The following NALCN variants were observed in gnomAD, a reference collection of about 807,000 sequenced individuals.
NALCN encodes the protein sodium leak channel NALCN.
Under a neutral mutation model 225.3 loss-of-function variants are expected in NALCN, and 111 were observed. The observed-to-expected ratio is 0.49, with a 90% CI of 0.42 to 0.58. The LOEUF is 0.58. Among genes scored for constraint, NALCN ranks in the 20% least tolerant of loss-of-function variants. The pLI is 0.00. For synonymous variants in NALCN, 764 were observed against 769.0 expected, an observed-to-expected ratio of 0.99 and a Z score of 0.11; for missense variants, 1,378 against 2,202.4, an observed-to-expected ratio of 0.63 and a Z score of 7.49.
At chr13:101,342,129 G>C (rs1169086132) in intron 7 of NALCN, among the ~76,000 whole-genome samples, 1 of 151,650 alleles carries the variant, frequency 6.6e-6, no homozygotes, top group Non-Finnish European at 1.5e-5. Flanking sequence ...GGAATTGAAG[G>C]TTTTTATAAT....
chr13:101,185,191 T>C (rs1471495062), intron 14 of NALCN, among the ~76,000 whole-genome samples: 1 of 152,210 alleles, frequency 6.6e-6, no homozygotes, highest in Non-Finnish European at 1.5e-5. Context: ...TAAAATGGGA[T>C]ACGTTCAACA....
intron 9 of NALCN, among the ~76,000 whole-genome samples, chr13:101,290,564 T>C (rs2043515545): frequency 6.6e-6 from 1 of 152,238 alleles, no homozygotes; most frequent in Admixed American, 6.5e-5. Flanking sequence ...AAACCTTTCA[T>C]GGAAGTTTGA....
chr13:101,352,436 A>T (rs1057093100), intron 6 of NALCN, among the ~76,000 whole-genome samples: 1 of 152,122 alleles, frequency 6.6e-6, no homozygotes, highest in African/African-American at 2.4e-5. Context: ...CAGAGCCTGC[A>T]TTTGCATATG....
chr13:101,416,432 T>A lies in NALCN; in HGVS notation c.-159A>T, dbSNP rs1566670676. ...CAGGGCGGGCGGGGACGCGGGCCCC[T>A]CACCTACGGCGGCTCAGCTCAGGCA... is the stretch of plus-strand genomic sequence containing the variant. On this transcript the variant is annotated 5_prime_UTR_variant, in exon 1 of 44. Transcript: ENST00000251127. The A allele has an allele frequency of 1.3e-5, 2 of 150,868 alleles. No individual in the cohort carries two copies. The highest frequency in any genetic ancestry group is 2.9e-5 in the Non-Finnish European group (2 of 67,800). 9.3% of individuals were successfully genotyped at this position (150,868 alleles called of 1,614,324 possible).
At chr13:101,092,763 T>C (rs1050143966) in intron 28 of NALCN, among the ~76,000 whole-genome samples, 2 of 152,098 alleles carry the variant, frequency 1.3e-5, no homozygotes, top group African/African-American at 2.4e-5. Context: ...GTACCCCAAA[T>C]TGTTTGGGCC....
chr13:101,211,110 C>T (rs1402713631), intron 13 of NALCN, among the ~76,000 whole-genome samples: 2 of 152,096 alleles, frequency 1.3e-5, no homozygotes, highest in Non-Finnish European at 2.9e-5. Context: ...GTCATGTTTT[C>T]ATCACTGAAA....
chr13:101,134,872 T>C (rs896650365), intron 17 of NALCN, among the ~76,000 whole-genome samples: 2 of 152,084 alleles, frequency 1.3e-5, no homozygotes, highest in Non-Finnish European at 2.9e-5. Flanking sequence ...CAAATTTAGA[T>C]AGGTTTAATA....
At chr13:101,120,669 T>C (rs2035932794) in intron 18 of NALCN, among the ~76,000 whole-genome samples, 1 of 152,180 alleles carries the variant, frequency 6.6e-6, no homozygotes, top group Non-Finnish European at 1.5e-5. Context: ...ATTTTTCTTC[T>C]CTTAGATCAC....
intron 11 of NALCN, among the ~76,000 whole-genome samples, chr13:101,256,771 T>TC (rs1322610880): frequency 6.6e-6 from 1 of 150,450 alleles, no homozygotes; most frequent in Non-Finnish European, 1.5e-5. Context: ...TCTGCTTTTT[T>TC]TTTTTTTTTT....
intron 13 of NALCN, among the ~76,000 whole-genome samples, chr13:101,193,348 G>A (rs908086665): frequency 1.3e-5 from 2 of 152,062 alleles, no homozygotes; most frequent in East Asian, 1.9e-4. Context: ...GCTGAGAAGC[G>A]ACCTAACTGT....
intron 7 of NALCN, among the ~76,000 whole-genome samples, chr13:101,331,505 C>T (rs1357474765): frequency 2.0e-5 from 3 of 151,960 alleles, no homozygotes; most frequent in Non-Finnish European, 4.4e-5. Context: ...CTTGGAGGGA[C>T]AGAGAATGAT....
At chr13:101,115,727 C>T (rs1294804891) in intron 18 of NALCN, among the ~76,000 whole-genome samples, 3 of 152,124 alleles carry the variant, frequency 2.0e-5, no homozygotes, top group Admixed American at 1.3e-4. Flanking sequence ...AAAGGCAAGG[C>T]TAATTTTACT....
At chr13:101,392,506 C>G (rs985023498) in intron 3 of NALCN, among the ~76,000 whole-genome samples, 2 of 152,088 alleles carry the variant, frequency 1.3e-5, no homozygotes, top group African/African-American at 4.8e-5. Flanking sequence ...TTCACTTAAT[C>G]CAATAATGTA....
intron 1 of NALCN, among the ~76,000 whole-genome samples, chr13:101,400,679 T>C (rs1482341647): frequency 6.6e-6 from 1 of 152,156 alleles, no homozygotes; most frequent in Admixed American, 6.6e-5. Context: ...ATTGCCTGTA[T>C]TGAGCACCTA....
chr13:101,074,507 T>G lies in NALCN; in HGVS notation c.4103+7A>C. ...ATAAATGAATAGAAAGATAAGTATATACCAACCTGTTAATATTCTCCCCAT... is the reference window on the plus strand; with the variant it reads ...ATAAATGAATAGAAAGATAAGTATAGACCAACCTGTTAATATTCTCCCCAT... On this transcript the variant is annotated splice_region_variant and intron_variant, in intron 36 of 43. Transcript: ENST00000251127. 6.2e-7 allele frequency: 1 copy of G among 1,600,010 alleles called. No individual in the cohort carries two copies. Among genetic ancestry groups the G allele is most frequent in the Non-Finnish European group, 8.5e-7 (1 of 1,176,158 alleles).
chr13:101,317,756 G>A (rs968767413), intron 7 of NALCN, among the ~76,000 whole-genome samples: 1 of 152,154 alleles, frequency 6.6e-6, no homozygotes. Flanking sequence ...ATTTAGGAAG[G>A]TTATGTTTCC....
chr13:101,341,319 T>C (rs2045552891), intron 7 of NALCN, among the ~76,000 whole-genome samples: 1 of 152,206 alleles, frequency 6.6e-6, no homozygotes, highest in African/African-American at 2.4e-5. Flanking sequence ...ACCCATTCTT[T>C]CCCTAAAGAA....
In NALCN at chr13:101,397,066, T is replaced by TTATATATA. The variant is rs368771604; in HGVS notation, c.109-1709_109-1702dup. On this transcript the variant is annotated intron_variant, in intron 2 of 43. Coordinates refer to ENST00000251127, the MANE Select transcript of NALCN (RefSeq NM_052867.4). ...AAGAAGTAAAACACCTATGAATGTA[T>TTATATATA]TATATATATATATATATATATATAT... 3.8e-3 allele frequency among the ~76,000 whole-genome samples: 215 copies of TTATATATA among 56,262 alleles called. 1 individual carries two copies. Among genetic ancestry groups the TTATATATA allele is most frequent in the Middle Eastern group, 0.01 (1 of 96 alleles). The allele number at this position is 56,262 out of a possible 152,430, so 36.9% of individuals were successfully genotyped here.
chr13:101,160,900 G>C (rs780734498), intron 15 of NALCN, among the ~76,000 whole-genome samples: 20 of 152,180 alleles, frequency 1.3e-4, no homozygotes, highest in Non-Finnish European at 1.9e-4. Flanking sequence ...CTGAGATACA[G>C]AAAATGTTGA....
Sources: allele counts gnomAD v4.1 joint callset (sites outside exome capture counted in the v4.1 genomes callset), GRCh38; gene constraint gnomAD v4.1.1; transcripts MANE v1.5; gene names NCBI Gene and HGNC (gene_info 2026-07-23, HGNC 2026-07-21).